The following RBFOX1 variants were observed in gnomAD, a reference collection of about 807,000 sequenced individuals.
RBFOX1 encodes the protein RNA binding fox-1 homolog 1.
A neutral mutation model predicts 57.7 loss-of-function variants in RBFOX1; 8 were observed. That is an observed-to-expected ratio of 0.14 (90% confidence interval 0.08 to 0.25). The LOEUF (loss-of-function observed/expected upper bound fraction) is 0.25, where lower values mean the gene tolerates loss of function less well. Ranked by LOEUF, RBFOX1 falls within the 10% of genes least tolerant of loss-of-function variation. The pLI is 1.00. For missense variants in RBFOX1, 611 were observed against 548.5 expected (o/e 1.11, Z -1.14); for synonymous variants, 326 against 222.4 (o/e 1.47, Z -4.15).
At chr16:5,640,885 A>G (rs2048845298) in intron 3 of RBFOX1, among the ~76,000 whole-genome samples, 1 of 150,010 alleles carries the variant, frequency 6.7e-6, no homozygotes, top group South Asian at 2.1e-4. Context: ...CACACCATGC[A>G]TGCAAACCTA....
intron 3 of RBFOX1, among the ~76,000 whole-genome samples, chr16:6,888,854 C>T (rs1052293110): frequency 6.6e-6 from 1 of 152,132 alleles, no homozygotes; most frequent in Non-Finnish European, 1.5e-5. Flanking sequence ...GTCCTTTATT[C>T]ATCCCTCTTT....
At chr16:5,300,908 GTTTC>G (rs2151197350) in intron 1 of RBFOX1, among the ~76,000 whole-genome samples, 1 of 152,242 alleles carries the variant, frequency 6.6e-6, no homozygotes, top group Non-Finnish European at 1.5e-5. Context: ...TAATTTGTGT[GTTTC>G]TTTCTGTCTG....
At chr16:7,617,197 A>G (rs3785236) in intron 10 of RBFOX1, among the ~76,000 whole-genome samples, 3 of 151,726 alleles carry the variant, frequency 2.0e-5, no homozygotes, top group African/African-American at 4.8e-5. Flanking sequence ...GTAGGCACAG[A>G]TAGTGTTTTT....
intron 4 of RBFOX1, among the ~76,000 whole-genome samples, chr16:7,138,435 G>A (rs2072663488): frequency 6.6e-6 from 1 of 152,116 alleles, no homozygotes; most frequent in African/African-American, 2.4e-5. Context: ...TGGCAACGTG[G>A]AGGCAAGGAT....
chr16:7,543,262 G>C (rs986817945), intron 5 of RBFOX1, among the ~76,000 whole-genome samples: 2 of 152,178 alleles, frequency 1.3e-5, no homozygotes, highest in African/African-American at 4.8e-5. Context: ...AATCTGGCCT[G>C]ACACATGACT....
intron 4 of RBFOX1, among the ~76,000 whole-genome samples, chr16:7,125,251 G>A (rs77647402): frequency 0.028 from 4,284 of 152,212 alleles, 204 homozygotes; most frequent in African/African-American, 0.095. Context: ...GAACTTTGGG[G>A]TTGTCGTTCA....
At chr16:7,255,560 A>G (rs904729752) in intron 4 of RBFOX1, among the ~76,000 whole-genome samples, 3 of 152,206 alleles carry the variant, frequency 2.0e-5, no homozygotes, top group Admixed American at 2.0e-4. Flanking sequence ...GCACCACATT[A>G]TCTATTTTTA....
intron 1 of RBFOX1, among the ~76,000 whole-genome samples, chr16:6,060,182 A>G (rs1455058229): frequency 7.3e-6 from 1 of 137,080 alleles, no homozygotes; most frequent in African/African-American, 2.8e-5. Context: ...ATGGAGAAAC[A>G]TCTTGCTTAC....
chr16:6,038,792 C>T (rs1471616727), intron 1 of RBFOX1: 1 of 146,442 alleles, frequency 6.8e-6, no homozygotes, highest in African/African-American at 2.5e-5. Flanking sequence ...AATTATTTAC[C>T]ACTTGGGTTG....
intron 14 of RBFOX1, among the ~76,000 whole-genome samples, chr16:7,699,088 A>T (rs1013681957): frequency 2.0e-5 from 3 of 152,136 alleles, no homozygotes; most frequent in Non-Finnish European, 4.4e-5. Context: ...TCTGATTCAT[A>T]AGTCCGGAGA....
intron 2 of RBFOX1, among the ~76,000 whole-genome samples, chr16:6,473,668 A>C (rs1283639952): frequency 6.6e-6 from 1 of 152,194 alleles, no homozygotes; most frequent in Non-Finnish European, 1.5e-5. Flanking sequence ...GCAAGGAGTC[A>C]GACATCCTCA....
chr16:7,246,473 C>T (rs1404881112), intron 4 of RBFOX1, among the ~76,000 whole-genome samples: 1 of 152,110 alleles, frequency 6.6e-6, no homozygotes, highest in Non-Finnish European at 1.5e-5. Flanking sequence ...CGTTGTTTTG[C>T]TTTCAGGCTC....
intron 4 of RBFOX1, among the ~76,000 whole-genome samples, chr16:7,516,431 A>C (rs561394892): frequency 6.6e-6 from 1 of 152,186 alleles, no homozygotes; most frequent in Non-Finnish European, 1.5e-5. Flanking sequence ...TACAGGCTGA[A>C]AGTGGGACTG....
At chr16:6,998,212 A>G (rs1002890505) in intron 3 of RBFOX1, among the ~76,000 whole-genome samples, 1 of 152,198 alleles carries the variant, frequency 6.6e-6, no homozygotes, top group African/African-American at 2.4e-5. Flanking sequence ...TGATTTAGCT[A>G]TGAAGCATTT....
chr16:7,380,222 G>C (rs1294454249), intron 4 of RBFOX1, among the ~76,000 whole-genome samples: 3 of 152,138 alleles, frequency 2.0e-5, no homozygotes, highest in Non-Finnish European at 4.4e-5. Flanking sequence ...TTTAGAGTCA[G>C]AAATGCTCAG....
chr16:5,614,119 C>G (rs551889353), intron 3 of RBFOX1, among the ~76,000 whole-genome samples: 3 of 152,146 alleles, frequency 2.0e-5, no homozygotes, highest in Non-Finnish European at 4.4e-5. Context: ...GGTCTCAATT[C>G]TGTCTTAGAC....
intron 2 of RBFOX1, among the ~76,000 whole-genome samples, chr16:6,517,675 C>G (rs1336049999): frequency 6.6e-6 from 1 of 152,176 alleles, no homozygotes; most frequent in African/African-American, 2.4e-5. Context: ...AAACTGGCCT[C>G]TTTCCTATTG....
At chr16:5,301,979 T>C (rs2063818195) in intron 1 of RBFOX1, among the ~76,000 whole-genome samples, 1 of 152,142 alleles carries the variant, frequency 6.6e-6, no homozygotes, top group Non-Finnish European at 1.5e-5. Flanking sequence ...TTCTTTCTTA[T>C]AATTACTTTA....
At chr16:6,745,824 G>C (rs893917882) in intron 3 of RBFOX1, among the ~76,000 whole-genome samples, 1 of 152,118 alleles carries the variant, frequency 6.6e-6, no homozygotes, top group Non-Finnish European at 1.5e-5. Context: ...CATCTGTTTA[G>C]AGAAGAAAAA....
Sources: allele counts gnomAD v4.1 joint callset (sites outside exome capture counted in the v4.1 genomes callset), GRCh38; gene constraint gnomAD v4.1.1; transcripts MANE v1.5; gene names NCBI Gene and HGNC (gene_info 2026-07-23, HGNC 2026-07-21).